SPIDR: variants seen among roughly 807,000 people sequenced by gnomAD.
SPIDR encodes the protein DNA repair-scaffolding protein.
A neutral mutation model predicts 104.6 loss-of-function variants in SPIDR; 93 were observed. That is an observed-to-expected ratio of 0.89 (90% CI 0.75 to 1.06). The LOEUF is 1.06. Among genes scored for constraint, SPIDR ranks in the 50% least tolerant of loss-of-function variants. SPIDR has a pLI of 0.00. For missense variants in SPIDR, 1,154 were observed against 1,111.2 expected, an observed-to-expected ratio of 1.04 and a Z score of -0.55; for synonymous variants, 431 against 416.9, an observed-to-expected ratio of 1.03 and a Z score of -0.41.
intron 4 of SPIDR, among the ~76,000 whole-genome samples, chr8:47,292,612 A>G (rs2040119710): frequency 1.3e-5 from 2 of 152,230 alleles, no homozygotes; most frequent in South Asian, 4.2e-4. Context: ...AATCTCTTAA[A>G]TTATTGTAGA....
intron 5 of SPIDR, among the ~76,000 whole-genome samples, chr8:47,303,221 C>T (rs782787798): frequency 2.0e-5 from 3 of 152,200 alleles, no homozygotes; most frequent in Non-Finnish European, 2.9e-5. Context: ...AGCGAGGCTC[C>T]GTGGGCGTAG....
At chr8:47,551,443 T>C (rs961455817) in intron 8 of SPIDR, among the ~76,000 whole-genome samples, 2 of 152,248 alleles carry the variant, frequency 1.3e-5, no homozygotes, top group Admixed American at 6.5e-5. Context: ...TGCCTCAATT[T>C]CAGAGCCTGT....
chr8:47,493,399 A>C (rs1054467113), intron 8 of SPIDR, among the ~76,000 whole-genome samples: 1 of 152,218 alleles, frequency 6.6e-6, no homozygotes, highest in Non-Finnish European at 1.5e-5. Context: ...TTTATTTTCC[A>C]GAAAACATTT....
intron 10 of SPIDR, among the ~76,000 whole-genome samples, chr8:47,660,180 G>A (rs2073876973): frequency 6.6e-6 from 1 of 152,094 alleles, no homozygotes; most frequent in Non-Finnish European, 1.5e-5. Flanking sequence ...TTTATTCCTT[G>A]TGATTTGTTC....
At chr8:47,616,094 A>G (rs1341785680) in intron 10 of SPIDR, among the ~76,000 whole-genome samples, 3 of 152,202 alleles carry the variant, frequency 2.0e-5, no homozygotes, top group Admixed American at 2.0e-4. Flanking sequence ...AAAATTTTCT[A>G]CATAAAAGAT....
chr8:47,304,505 A>T (rs1345980772), intron 5 of SPIDR, among the ~76,000 whole-genome samples: 1 of 152,026 alleles, frequency 6.6e-6, no homozygotes, highest in Non-Finnish European at 1.5e-5. Flanking sequence ...CGTCTCTATT[A>T]AAAAAAATTA....
Position 47,686,376 on chromosome 8 carries a change from C to T in SPIDR, c.1685+12435C>T, listed in dbSNP as rs189853258. Among the ~76,000 whole-genome samples, 7 of 152,052 alleles carry T rather than the reference C, an allele frequency of 4.6e-5. No individual in the cohort carries two copies. In the East Asian group the frequency reaches 1.3e-3, roughly 29 times the overall value. Reference sequence around the variant, plus strand: ...AATATGCTATTATTAGCTGAATTCTCAAAATTGGAAAATCTTACAGATTTG... The same window carrying T: ...AATATGCTATTATTAGCTGAATTCTTAAAATTGGAAAATCTTACAGATTTG... On this transcript the variant is annotated intron_variant, in intron 11 of 19. Coordinates refer to ENST00000297423, the MANE Select transcript of SPIDR (RefSeq NM_001080394.4).
At chr8:47,625,486 C>T (rs2065912309) in intron 10 of SPIDR, among the ~76,000 whole-genome samples, 1 of 152,178 alleles carries the variant, frequency 6.6e-6, no homozygotes, top group African/African-American at 2.4e-5. Flanking sequence ...ATCTAGAAAA[C>T]CCCATTGTTT....
chr8:47,423,278 CAG>C (rs1381839964), intron 7 of SPIDR, among the ~76,000 whole-genome samples: 11 of 143,714 alleles, frequency 7.7e-5, no homozygotes, highest in Admixed American at 5.9e-4. Flanking sequence ...GACTAGGTAA[CAG>C]AGCGAGACTC....
intron 19 of SPIDR, among the ~76,000 whole-genome samples, chr8:47,730,253 A>T (rs553744519): frequency 2.5e-4 from 38 of 152,320 alleles, no homozygotes; most frequent in African/African-American, 9.1e-4. Flanking sequence ...TATATAATTG[A>T]TGGGCCAAAG....
intron 8 of SPIDR, chr8:47,592,090 G>A: frequency 8.0e-7 from 1 of 1,248,796 alleles, no homozygotes; most frequent in Non-Finnish European, 1.2e-6. Flanking sequence ...AAACAAAAAG[G>A]AGGAAGTCTT....
At chr8:47,728,008 T>C (rs1228602337) in intron 17 of SPIDR, among the ~76,000 whole-genome samples, 1 of 151,862 alleles carries the variant, frequency 6.6e-6, no homozygotes, top group Non-Finnish European at 1.5e-5. Context: ...TCCCAGCTGC[T>C]TGGGAGGCTG....
At chr8:47,393,634 T>C (rs1216496427) in intron 5 of SPIDR, among the ~76,000 whole-genome samples, 2 of 151,902 alleles carry the variant, frequency 1.3e-5, no homozygotes, top group South Asian at 2.1e-4. Flanking sequence ...TCTTTTTTTT[T>C]CTTTTCTTTT....
intron 8 of SPIDR, among the ~76,000 whole-genome samples, chr8:47,493,036 A>AGT (rs762772196): frequency 0.23 from 27,648 of 122,462 alleles, 2,529 homozygotes; most frequent in Non-Finnish European, 0.24. Context: ...AGAGAGAGAG[A>AGT]GAGTGAGTGT....
chr8:47,677,382 T>C (rs1172102802), intron 11 of SPIDR, among the ~76,000 whole-genome samples: 1 of 152,228 alleles, frequency 6.6e-6, no homozygotes, highest in African/African-American at 2.4e-5. Flanking sequence ...ATCATAGGTA[T>C]AGAAACTATA....
chr8:47,397,892 A>G (rs1388570075), intron 6 of SPIDR, among the ~76,000 whole-genome samples: 3 of 152,194 alleles, frequency 2.0e-5, no homozygotes, highest in Non-Finnish European at 4.4e-5. Context: ...CCGAATAAAC[A>G]GAGTTCGCAC....
At chr8:47,399,910 G>A (rs1440132678) in intron 6 of SPIDR, among the ~76,000 whole-genome samples, 1 of 152,148 alleles carries the variant, frequency 6.6e-6, no homozygotes, top group East Asian at 1.9e-4. Flanking sequence ...TAACGATGAC[G>A]GGCGCCCAGA....
At chr8:47,716,542 A>G (rs185157442) in intron 16 of SPIDR, among the ~76,000 whole-genome samples, 2 of 152,324 alleles carry the variant, frequency 1.3e-5, no homozygotes, top group African/African-American at 2.4e-5. Flanking sequence ...GGCTAACGGA[A>G]TCAGCCTCAA....
intron 8 of SPIDR, among the ~76,000 whole-genome samples, chr8:47,480,673 T>C (rs1192687003): frequency 6.6e-6 from 1 of 152,208 alleles, no homozygotes; most frequent in Non-Finnish European, 1.5e-5. Flanking sequence ...TGTGCTCCCA[T>C]GTGGCCTGAC....
Sources: allele counts gnomAD v4.1 joint callset (sites outside exome capture counted in the v4.1 genomes callset), GRCh38; gene constraint gnomAD v4.1.1; transcripts MANE v1.5; gene names NCBI Gene and HGNC (gene_info 2026-07-23, HGNC 2026-07-21).